NOL4: variants seen among roughly 807,000 people sequenced by gnomAD.
NOL4 encodes cancer/testis antigen 125.
A neutral mutation model predicts 75.9 loss-of-function variants in NOL4; 17 were observed. The observed-to-expected ratio is 0.22, with a 90% confidence interval of 0.15 to 0.34. The LOEUF (loss-of-function observed/expected upper bound fraction) is 0.34, where lower values mean the gene tolerates loss of function less well. Ranked by LOEUF, NOL4 falls within the 10% of genes least tolerant of loss-of-function variation. NOL4 has a pLI of 1.00. For synonymous variants in NOL4, 292 were observed against 289.9 expected (o/e 1.01, Z -0.07); for missense variants, 614 against 793.5 (o/e 0.77, Z 2.72).
chr18:34,077,178 C>T (rs2077783605), intron 5 of NOL4, among the ~76,000 whole-genome samples: 1 of 151,994 alleles, frequency 6.6e-6, no homozygotes, highest in African/African-American at 2.4e-5. Context: ...CATGATGGCA[C>T]ACCCCTGTGG....
At chr18:33,954,317 T>C (rs1395442054) in intron 8 of NOL4, among the ~76,000 whole-genome samples, 3 of 152,274 alleles carry the variant, frequency 2.0e-5, no homozygotes, top group East Asian at 3.9e-4. Context: ...AATTAGTTGA[T>C]TGAATCCATA....
intron 10 of NOL4, among the ~76,000 whole-genome samples, chr18:33,872,379 TA>T (rs2063739754): frequency 6.6e-6 from 1 of 152,062 alleles, no homozygotes; most frequent in Non-Finnish European, 1.5e-5. Context: ...GGATGTTATT[TA>T]AAAGCCAGGC....
In NOL4 at chr18:33,865,871, T is replaced by C. The variant is rs528991438; in HGVS notation, c.1724-12836A>G. On this transcript the variant is annotated intron_variant, in intron 10 of 10. Transcript: ENST00000261592. ...TTAAGTTTACACTTCTCTATTTAGT[T>C]AACATTGATTAATCAATATTAGGTT... Among the ~76,000 whole-genome samples, 18 of 152,278 alleles carry C rather than the reference T, an allele frequency of 1.2e-4. No individual in the cohort carries two copies. The South Asian group carries it at 3.7e-3, about 32-fold the overall frequency.
At chr18:34,123,778 A>G (rs1453740576) in intron 2 of NOL4, among the ~76,000 whole-genome samples, 1 of 150,602 alleles carries the variant, frequency 6.6e-6, no homozygotes, top group Non-Finnish European at 1.5e-5. Context: ...ATAGATAGCT[A>G]TAGATATATC....
intron 1 of NOL4, among the ~76,000 whole-genome samples, chr18:34,137,383 CA>C (rs1468379939): frequency 6.6e-6 from 1 of 152,002 alleles, no homozygotes; most frequent in African/African-American, 2.4e-5. Flanking sequence ...ATTTGGAAAT[CA>C]TATACCTAAT....
chr18:33,864,537 G>T (rs2063335966), intron 10 of NOL4, among the ~76,000 whole-genome samples: 3 of 152,140 alleles, frequency 2.0e-5, no homozygotes, highest in Middle Eastern at 3.4e-3. Flanking sequence ...CAGCATTTTG[G>T]TCAAAACCAT....
chr18:34,054,099 A>G (rs1486188785), intron 5 of NOL4, among the ~76,000 whole-genome samples: 2 of 151,988 alleles, frequency 1.3e-5, no homozygotes, highest in African/African-American at 4.8e-5. Context: ...AATTTCAATC[A>G]TTTTAAATAT....
chr18:34,056,289 G>A (rs1041348414), intron 5 of NOL4, among the ~76,000 whole-genome samples: 6 of 152,266 alleles, frequency 3.9e-5, no homozygotes, highest in African/African-American at 7.2e-5. Flanking sequence ...TGCAGAGAAC[G>A]GCCTTCATCA....
At chr18:34,103,259 G>C (rs1468519865) in intron 4 of NOL4, among the ~76,000 whole-genome samples, 1 of 151,924 alleles carries the variant, frequency 6.6e-6, no homozygotes, top group Non-Finnish European at 1.5e-5. Context: ...CATCTATTGA[G>C]TATTAACTAG....
At chr18:34,211,750 A>T (rs990965249) in intron 1 of NOL4, among the ~76,000 whole-genome samples, 1 of 152,222 alleles carries the variant, frequency 6.6e-6, no homozygotes, top group South Asian at 2.1e-4. Flanking sequence ...AGAGTGGAAC[A>T]TAAGAGGCTA....
intron 6 of NOL4, among the ~76,000 whole-genome samples, chr18:33,990,017 C>T (rs1406911378): frequency 6.6e-6 from 1 of 151,990 alleles, no homozygotes; most frequent in Non-Finnish European, 1.5e-5. Context: ...TAGTAGCAGA[C>T]TAAAACACAA....
At chr18:33,948,698 A>G (rs2069003122) in intron 8 of NOL4, among the ~76,000 whole-genome samples, 1 of 152,044 alleles carries the variant, frequency 6.6e-6, no homozygotes, top group Non-Finnish European at 1.5e-5. Flanking sequence ...AGTTTTTAGA[A>G]GTCCATGAGA....
At chr18:34,106,781 G>C (rs142200240) in intron 2 of NOL4, among the ~76,000 whole-genome samples, 107 of 151,786 alleles carry the variant, frequency 7.0e-4, no homozygotes, top group South Asian at 1.5e-3. Context: ...ACTTCTAACT[G>C]ACTTATTTCA....
intron 1 of NOL4, among the ~76,000 whole-genome samples, chr18:34,204,402 G>T (rs953011757): frequency 7.6e-6 from 1 of 132,106 alleles, no homozygotes. Context: ...ATATTCTGAG[G>T]TTTAATATTC....
At chr18:34,101,256 T>C (rs1026882641) in intron 4 of NOL4, among the ~76,000 whole-genome samples, 1 of 152,214 alleles carries the variant, frequency 6.6e-6, no homozygotes. Context: ...CTCTTGCCAG[T>C]AGGGCAGCAT....
chr18:34,058,397 A>G lies in NOL4; in HGVS notation c.772+35068T>C, dbSNP rs554461051. On this transcript the variant is annotated intron_variant, in intron 5 of 10. Coordinates refer to ENST00000261592, the MANE Select transcript of NOL4 (RefSeq NM_003787.5). ...GATCTGCCCGCCTTGGCCTCCCAAA[A>G]TGCTGGGATTACAGGCATGAGCCAC... Among the ~76,000 whole-genome samples the G allele has an allele frequency of 1.3e-4, 20 of 152,116 alleles. No homozygotes were observed. The East Asian group carries it at 1.4e-3, about 10-fold the overall frequency.
chr18:34,162,952 A>C (rs2031742736), intron 1 of NOL4, among the ~76,000 whole-genome samples: 1 of 152,232 alleles, frequency 6.6e-6, no homozygotes, highest in Admixed American at 6.5e-5. Context: ...AAATCAATAA[A>C]TGTAATCCAG....
At chr18:34,222,941 C>T (rs777018376) in intron 1 of NOL4, 49 bp downstream of exon 1, 1 of 1,588,202 alleles carries the variant, frequency 6.3e-7, no homozygotes, top group East Asian at 2.2e-5. Context: ...CCTCCCTCCC[C>T]GCCGGGCTGC....
intron 1 of NOL4, among the ~76,000 whole-genome samples, chr18:34,203,515 GATA>G: frequency 6.6e-6 from 1 of 151,748 alleles, no homozygotes; most frequent in African/African-American, 2.4e-5. Flanking sequence ...TTTTGGATGT[GATA>G]ATATTATATT....
Sources: allele counts gnomAD v4.1 joint callset (sites outside exome capture counted in the v4.1 genomes callset), GRCh38; gene constraint gnomAD v4.1.1; transcripts MANE v1.5; gene names NCBI Gene and HGNC (gene_info 2026-07-23, HGNC 2026-07-21).